IGSF21: variants seen among roughly 807,000 people sequenced by gnomAD.
IGSF21 encodes the protein immunoglobulin superfamily member 21.
Under a neutral mutation model 46.8 loss-of-function variants are expected in IGSF21, and 28 were observed. The observed-to-expected ratio is 0.60, with a 90% CI of 0.44 to 0.82. The LOEUF is 0.82. Among genes scored for constraint, IGSF21 ranks in the 40% least tolerant of loss-of-function variants. The probability of loss-of-function intolerance (pLI) is 0.00; values close to 1 mark genes in which losing one functional copy is unlikely to be tolerated. For synonymous variants in IGSF21, 284 were observed against 273.6 expected (o/e 1.04, Z -0.38); for missense variants, 624 against 665.5 (o/e 0.94, Z 0.69).
At chr1:18,360,194 A>G (rs542634783) in intron 4 of IGSF21, among the ~76,000 whole-genome samples, 2 of 152,228 alleles carry the variant, frequency 1.3e-5, no homozygotes, top group South Asian at 2.1e-4. Context: ...AGAATCTGCA[A>G]TTTCTAGGTA....
intron 1 of IGSF21, among the ~76,000 whole-genome samples, chr1:18,132,372 C>A (rs2086329569): frequency 6.6e-6 from 1 of 152,218 alleles, no homozygotes; most frequent in African/African-American, 2.4e-5. Flanking sequence ...GACTCATTGA[C>A]TGTCAGATTC....
intron 1 of IGSF21, among the ~76,000 whole-genome samples, chr1:18,157,530 G>T (rs1312656980): frequency 6.6e-6 from 1 of 152,168 alleles, no homozygotes; most frequent in Non-Finnish European, 1.5e-5. Context: ...CAAGGCAGGG[G>T]GTTCATTCAT....
At chr1:18,293,822 C>A (rs2085289172) in intron 3 of IGSF21, among the ~76,000 whole-genome samples, 1 of 152,192 alleles carries the variant, frequency 6.6e-6, no homozygotes, top group African/African-American at 2.4e-5. Flanking sequence ...CCCGCTGCCA[C>A]CAGCAAGGCC....
At chr1:18,352,845 C>T (rs1482797580) in intron 4 of IGSF21, among the ~76,000 whole-genome samples, 2 of 152,204 alleles carry the variant, frequency 1.3e-5, no homozygotes, top group Non-Finnish European at 2.9e-5. Flanking sequence ...CACCTCCCTG[C>T]AGAGCAGAGG....
At chr1:18,193,303 G>A (rs1361371968) in intron 1 of IGSF21, among the ~76,000 whole-genome samples, 3 of 152,172 alleles carry the variant, frequency 2.0e-5, no homozygotes, top group African/African-American at 4.8e-5. Context: ...GGCCCTGTGG[G>A]CCAAATTCAG....
intron 6 of IGSF21, among the ~76,000 whole-genome samples, chr1:18,369,848 C>T (rs2086207259): frequency 6.6e-6 from 1 of 152,194 alleles, no homozygotes; most frequent in Non-Finnish European, 1.5e-5. Context: ...GTTTGTGCCT[C>T]TTCTCAGTTC....
At chr1:18,134,700 C>A (rs902651978) in intron 1 of IGSF21, among the ~76,000 whole-genome samples, 2 of 152,140 alleles carry the variant, frequency 1.3e-5, no homozygotes, top group Non-Finnish European at 1.5e-5. Flanking sequence ...CCAGCCCACA[C>A]CTTCAGGGTG....
At chr1:18,357,694 A>C (rs1477418969) in intron 4 of IGSF21, among the ~76,000 whole-genome samples, 2 of 152,074 alleles carry the variant, frequency 1.3e-5, no homozygotes, top group Non-Finnish European at 2.9e-5. Flanking sequence ...TAGTGACTAG[A>C]AGAGTGAAGC....
At chr1:18,139,913 G>A (rs1333964778) in intron 1 of IGSF21, among the ~76,000 whole-genome samples, 1 of 152,100 alleles carries the variant, frequency 6.6e-6, no homozygotes, top group Non-Finnish European at 1.5e-5. Context: ...CAGGGAGTTC[G>A]AGAATGAATA....
intron 3 of IGSF21, among the ~76,000 whole-genome samples, chr1:18,321,464 T>C (rs1477661150): frequency 6.6e-6 from 1 of 152,206 alleles, no homozygotes; most frequent in African/African-American, 2.4e-5. Context: ...TCTTCATCCA[T>C]TTGGAAAGCT....
intron 1 of IGSF21, 145 bp downstream of exon 1, chr1:18,108,343 G>C (rs1246293076): frequency 6.1e-6 from 5 of 822,322 alleles, no homozygotes; most frequent in Non-Finnish European, 8.1e-6. Context: ...TGGTTGGCTC[G>C]ATGAGGGAGG....
chr1:18,192,485 T>G (rs2124476980), intron 1 of IGSF21, among the ~76,000 whole-genome samples: 1 of 152,358 alleles, frequency 6.6e-6, no homozygotes, highest in South Asian at 2.1e-4. Flanking sequence ...TAGCGCCATG[T>G]GGGTGCTCAC....
intron 2 of IGSF21, chr1:18,279,015 C>T (rs2085132351): frequency 4.7e-6 from 2 of 422,178 alleles, no homozygotes; most frequent in African/African-American, 4.1e-5. Context: ...CTCTGAGCCT[C>T]ATCTGTCAAA....
chr1:18,333,426 G>A (rs972781489), intron 3 of IGSF21, among the ~76,000 whole-genome samples: 2 of 152,222 alleles, frequency 1.3e-5, no homozygotes, highest in East Asian at 1.9e-4. Flanking sequence ...ACAGAGCTTC[G>A]CAGGACCCAG....
chr1:18,303,093 A>G (rs1212137139), intron 3 of IGSF21, among the ~76,000 whole-genome samples: 2 of 152,094 alleles, frequency 1.3e-5, no homozygotes, highest in Non-Finnish European at 2.9e-5. Flanking sequence ...CCCAACCACC[A>G]AGGATGGGTC....
At chr1:18,277,599 A>G (rs1420207285) in intron 2 of IGSF21, among the ~76,000 whole-genome samples, 1 of 152,252 alleles carries the variant, frequency 6.6e-6, no homozygotes, top group South Asian at 2.1e-4. Flanking sequence ...AGCTTGAAGC[A>G]TAGCAGAGCC....
intron 3 of IGSF21, among the ~76,000 whole-genome samples, chr1:18,304,675 C>A (rs1283253429): frequency 6.6e-6 from 1 of 151,136 alleles, no homozygotes; most frequent in African/African-American, 2.4e-5. Context: ...AGTCAGGAAA[C>A]CAGAGCTGTT....
At chr1:18,123,271 C>T (rs1570244902) in intron 1 of IGSF21, among the ~76,000 whole-genome samples, 1 of 152,222 alleles carries the variant, frequency 6.6e-6, no homozygotes, top group East Asian at 1.9e-4. Context: ...CTTCCTGCCT[C>T]TAGGATGAAG....
At chr1:18,175,212 C>G (rs957844952) in intron 1 of IGSF21, among the ~76,000 whole-genome samples, 1 of 152,210 alleles carries the variant, frequency 6.6e-6, no homozygotes, top group Non-Finnish European at 1.5e-5. Context: ...CACAGATGTG[C>G]TGTGTGGCCT....
Sources: allele counts gnomAD v4.1 joint callset (sites outside exome capture counted in the v4.1 genomes callset), GRCh38; gene constraint gnomAD v4.1.1; transcripts MANE v1.5; gene names NCBI Gene and HGNC (gene_info 2026-07-23, HGNC 2026-07-21).